NEO1: variants seen among roughly 807,000 people sequenced by gnomAD.
NEO1 encodes neogenin 1.
NEO1 carries 63 observed loss-of-function variants against 159.7 expected under a neutral mutation model. The ratio of observed to expected loss-of-function variants is 0.39; its 90% confidence interval spans 0.32 to 0.49. The LOEUF (loss-of-function observed/expected upper bound fraction) is 0.49. NEO1 is among the 20% of genes least tolerant of loss of function. The pLI is 0.85. For synonymous variants in NEO1, 633 were observed against 662.0 expected (o/e 0.96, Z 0.67); for missense variants, 1,615 against 1,831.0 (o/e 0.88, Z 2.15).
At chr15:73,221,431 G>A (rs923295101) in intron 7 of NEO1, among the ~76,000 whole-genome samples, 2 of 152,216 alleles carry the variant, frequency 1.3e-5, no homozygotes, top group African/African-American at 4.8e-5. Flanking sequence ...CCAGCTGCGT[G>A]CTGGGAGAAC....
At chr15:73,121,544 G>A (rs1202676866) in intron 2 of NEO1, among the ~76,000 whole-genome samples, 3 of 152,074 alleles carry the variant, frequency 2.0e-5, no homozygotes, top group Non-Finnish European at 4.4e-5. Context: ...AGTATTTTGG[G>A]AAGAGATACT....
intron 4 of NEO1, 99 bp from the exon 5 acceptor site, chr15:73,135,792 A>G (rs897111399): frequency 7.6e-6 from 8 of 1,056,772 alleles, no homozygotes; most frequent in African/African-American, 1.7e-5. Flanking sequence ...AAATAATAAT[A>G]CTCTTTAAGT....
chr15:73,118,790 A>G (rs1158107088), intron 2 of NEO1, among the ~76,000 whole-genome samples: 1 of 152,250 alleles, frequency 6.6e-6, no homozygotes, highest in African/African-American at 2.4e-5. Flanking sequence ...AAGGGATTAA[A>G]TAAAAGTTCT....
intron 7 of NEO1, among the ~76,000 whole-genome samples, chr15:73,232,589 C>T (rs1322906295): frequency 6.6e-6 from 1 of 152,222 alleles, no homozygotes; most frequent in Non-Finnish European, 1.5e-5. Flanking sequence ...TGGCTTGGGC[C>T]TGCTGCAGTC....
At chr15:73,135,044 C>A (rs758499531) in intron 4 of NEO1, among the ~76,000 whole-genome samples, 12 of 152,098 alleles carry the variant, frequency 7.9e-5, no homozygotes, top group South Asian at 4.1e-4. Context: ...TTTAAAGTGG[C>A]AGCTTTAATT....
intron 1 of NEO1, among the ~76,000 whole-genome samples, chr15:73,089,775 A>C (rs74478057): frequency 0.015 from 2,215 of 152,268 alleles, 67 homozygotes; most frequent in African/African-American, 0.051. Flanking sequence ...TTTTTTACTT[A>C]GTAATTCTGC....
intron 21 of NEO1, among the ~76,000 whole-genome samples, chr15:73,274,988 A>G (rs1438494622): frequency 6.6e-6 from 1 of 152,098 alleles, no homozygotes; most frequent in Non-Finnish European, 1.5e-5. Flanking sequence ...TGTGGATCAG[A>G]TCATCCTTTG....
intron 7 of NEO1, among the ~76,000 whole-genome samples, chr15:73,204,596 T>C (rs928163073): frequency 6.6e-6 from 1 of 152,210 alleles, no homozygotes; most frequent in African/African-American, 2.4e-5. Context: ...CTTCATTTTT[T>C]CTTTGTAGAA....
chr15:73,298,288 T>G (rs771960180), intron 26 of NEO1, 60 bp from the exon 27 acceptor site: 101 of 1,599,394 alleles, frequency 6.3e-5, no homozygotes, highest in Non-Finnish European at 8.5e-5. Flanking sequence ...AGCCAAACTG[T>G]GGGACTGTCA....
intron 7 of NEO1, among the ~76,000 whole-genome samples, chr15:73,209,271 A>G (rs769488148): frequency 3.9e-5 from 6 of 152,222 alleles, no homozygotes; most frequent in Non-Finnish European, 7.4e-5. Context: ...AACTCATTGT[A>G]TCTGCCATGT....
chr15:73,054,189 A>G (rs1262674270), intron 1 of NEO1, among the ~76,000 whole-genome samples: 1 of 152,214 alleles, frequency 6.6e-6, no homozygotes, highest in Non-Finnish European at 1.5e-5. Flanking sequence ...AAATATAACT[A>G]TTTTGGAAAA....
In NEO1 at chr15:73,303,320, G is replaced by A. The variant is rs949417289; in HGVS notation, c.*624G>A. On this transcript the variant is annotated 3_prime_UTR_variant, in exon 29 of 29. Coordinates refer to ENST00000261908, the MANE Select transcript of NEO1 (RefSeq NM_002499.4). Reference sequence around the variant, plus strand: ...TCCATCACTCTGAGGGGGAGGAAATGTTGCATTGCTGTTTGTAAGCTTTTT... The same window carrying A: ...TCCATCACTCTGAGGGGGAGGAAATATTGCATTGCTGTTTGTAAGCTTTTT... 3 of 152,556 alleles carry A rather than the reference G, an allele frequency of 2.0e-5. No homozygotes were observed. The highest frequency in any genetic ancestry group is 1.5e-5 in the Non-Finnish European group (1 of 68,024). The allele number at this position is 152,556 out of a possible 1,614,324, so 9.5% of individuals were successfully genotyped here.
rs752604449 is a variant in NEO1 at position 73,298,540 on chromosome 15, C to T, written c.4094C>T (p.Pro1365Leu). The change falls in exon 27 of 29, where the codon CCA (proline) becomes CTA (leucine). Residue 1365 changes from proline (P) to leucine (L), a missense_variant. Pro to Leu is a moderately conservative substitution (Grantham distance 98, BLOSUM62 -3). This residue lies in a region of NEO1 where 471 missense variants were observed against 498.9 expected (regional missense o/e 0.94). Coordinates refer to ENST00000261908, the MANE Select transcript of NEO1 (RefSeq NM_002499.4). The part of the protein sequence containing the change: ...PSHPLKSFAV[P>L]AIPPPGPPTY... ...CACCCATTGAAGAGCTTCGCCGTGCCAGCAATCCCGCCTCCAGGACCTCCC... is the reference window on the plus strand; with the variant it reads ...CACCCATTGAAGAGCTTCGCCGTGCTAGCAATCCCGCCTCCAGGACCTCCC... 8.7e-6 allele frequency: 14 copies of T among 1,614,196 alleles called. No homozygotes were observed. In the East Asian group the frequency reaches 2.2e-4, roughly 26 times the overall value.
At chr15:73,155,933 C>T (rs985042725) in intron 5 of NEO1, among the ~76,000 whole-genome samples, 1 of 152,058 alleles carries the variant, frequency 6.6e-6, no homozygotes, top group African/African-American at 2.4e-5. Flanking sequence ...ATTTTTAATT[C>T]TTTATCTAGA....
chr15:73,126,423 A>G lies in NEO1; in HGVS notation c.731A>G (p.Glu244Gly). Residue 244 changes from glutamate (E) to glycine (G), a missense_variant, in exon 4 of 29, where the codon GAG (glutamate) becomes GGG (glycine). Glu to Gly is a moderately conservative substitution (Grantham distance 98). Coordinates refer to ENST00000261908, the MANE Select transcript of NEO1 (RefSeq NM_002499.4). ...TAATTTTTTTTTTTTTTAGATCCTG[A>G]GGTGATATCAGACTTGGTATTTTTG... The part of the protein sequence containing the change: ...EVELKVLPDP[E>G]VISDLVFLKQ... 2 of 1,579,234 alleles carry G rather than the reference A, an allele frequency of 1.3e-6. No homozygotes were observed.
chr15:73,094,453 A>G (rs1356989239), intron 1 of NEO1, among the ~76,000 whole-genome samples: 3 of 152,248 alleles, frequency 2.0e-5, no homozygotes, highest in African/African-American at 4.8e-5. Flanking sequence ...TACATGTTAT[A>G]TAATCATTAG....
At chr15:73,197,651 TTTGTC>T in intron 7 of NEO1, among the ~76,000 whole-genome samples, 1 of 152,086 alleles carries the variant, frequency 6.6e-6, no homozygotes, top group Middle Eastern at 3.4e-3. Flanking sequence ...TCAACTTTGT[TTTGTC>T]TGATACTGAC....
At chr15:73,179,443 T>C (rs917084006) in intron 7 of NEO1, among the ~76,000 whole-genome samples, 6 of 152,146 alleles carry the variant, frequency 3.9e-5, no homozygotes, top group African/African-American at 1.4e-4. Flanking sequence ...TGGGGAAAGC[T>C]GCTTACAGAG....
rs535441353 is a variant in NEO1 at position 73,055,055 on chromosome 15, C to G, written c.130+2250C>G. Among the ~76,000 whole-genome samples, 5 of 151,818 alleles carry G rather than the reference C, an allele frequency of 3.3e-5. No homozygotes were observed. The South Asian group carries it at 1.0e-3, about 32-fold the overall frequency. On this transcript the variant is annotated intron_variant, in intron 1 of 28. Transcript: ENST00000261908. Reference sequence around the variant, plus strand: ...TTTTCCATCTGAGGTTATAGACATACGGAGGTGGAGGAAAAAGTAAGAAGT... The same window carrying G: ...TTTTCCATCTGAGGTTATAGACATAGGGAGGTGGAGGAAAAAGTAAGAAGT...
Sources: gnomAD v4.1 joint callset for allele counts (sites outside exome capture counted in the v4.1 genomes callset) on GRCh38, gnomAD v4.1.1 for gene constraint, gnomAD v4.1.1 regional missense constraint, MANE v1.5 for transcripts, NCBI Gene and HGNC (gene_info 2026-07-23, HGNC 2026-07-21) for gene names.